Variants in CSRNP3 observed in about 807,000 individuals in gnomAD.
The protein encoded by CSRNP3 is cysteine/serine-rich nuclear protein 3.
Under a neutral mutation model 48.0 loss-of-function variants are expected in CSRNP3, and 12 were observed. The ratio of observed to expected loss-of-function variants is 0.25; its 90% CI spans 0.16 to 0.41. The LOEUF (loss-of-function observed/expected upper bound fraction) is 0.41. Ranked by LOEUF, CSRNP3 falls within the 10% of genes least tolerant of loss-of-function variation. The pLI is 1.00. For synonymous variants in CSRNP3, 263 were observed against 269.7 expected, an observed-to-expected ratio of 0.98 and a Z score of 0.24; for missense variants, 580 against 724.4, an observed-to-expected ratio of 0.80 and a Z score of 2.29.
chr2:165,496,310 GAA>G (rs774961888), intron 2 of CSRNP3, among the ~76,000 whole-genome samples: 12 of 152,008 alleles, frequency 7.9e-5, no homozygotes, highest in Non-Finnish European at 1.8e-4. Context: ...TAGAATTTCA[GAA>G]GATAGGTTTT....
chr2:165,665,450 T>C (rs1051985692), intron 5 of CSRNP3, among the ~76,000 whole-genome samples: 5 of 152,180 alleles, frequency 3.3e-5, no homozygotes, highest in African/African-American at 4.8e-5. Context: ...ACTATATTCT[T>C]GTCTTAGAGA....
intron 4 of CSRNP3, among the ~76,000 whole-genome samples, chr2:165,653,959 C>G (rs202105874): frequency 1.1e-4 from 9 of 79,806 alleles, no homozygotes; most frequent in Non-Finnish European, 1.8e-4. Context: ...GCAACAAGAG[C>G]GAAGCTCTAT....
intron 3 of CSRNP3, among the ~76,000 whole-genome samples, chr2:165,533,498 A>G (rs978395409): frequency 7.2e-5 from 11 of 152,164 alleles, no homozygotes; most frequent in African/African-American, 2.6e-4. Flanking sequence ...TGAGAAGCCA[A>G]GCTGCTCCAT....
At chr2:165,614,390 T>A (rs187365347) in intron 4 of CSRNP3, among the ~76,000 whole-genome samples, 2 of 152,330 alleles carry the variant, frequency 1.3e-5, no homozygotes, top group African/African-American at 4.8e-5. Context: ...AAGGACAATT[T>A]GACTTACTTT....
At chr2:165,490,531 C>T (rs1206088218) in intron 1 of CSRNP3, among the ~76,000 whole-genome samples, 4 of 140,952 alleles carry the variant, frequency 2.8e-5, no homozygotes, top group African/African-American at 5.5e-5. Flanking sequence ...AGGCATCACA[C>T]TACCTGACTT....
chr2:165,672,456 C>A (rs1687346750), intron 5 of CSRNP3, among the ~76,000 whole-genome samples: 1 of 152,150 alleles, frequency 6.6e-6, no homozygotes, highest in African/African-American at 2.4e-5. Flanking sequence ...AGGGTTTCCC[C>A]TTATGAAACC....
At chr2:165,585,116 A>G (rs1685606306) in intron 3 of CSRNP3, among the ~76,000 whole-genome samples, 1 of 152,208 alleles carries the variant, frequency 6.6e-6, no homozygotes, top group Non-Finnish European at 1.5e-5. Flanking sequence ...AAAGGATTTA[A>G]TTTAAACTAA....
intron 3 of CSRNP3, among the ~76,000 whole-genome samples, chr2:165,542,604 G>A (rs73969295): frequency 0.072 from 10,952 of 152,098 alleles, 433 homozygotes; most frequent in Middle Eastern, 0.099. Flanking sequence ...GTATCAAAAT[G>A]TATGATCAAT....
chr2:165,514,241 C>T (rs1403650335), intron 2 of CSRNP3, among the ~76,000 whole-genome samples: 1 of 152,148 alleles, frequency 6.6e-6, no homozygotes, highest in African/African-American at 2.4e-5. Context: ...CCTGCTAAGC[C>T]CAACCATAGG....
intron 4 of CSRNP3, among the ~76,000 whole-genome samples, chr2:165,644,758 T>A (rs751923954): frequency 6.6e-6 from 1 of 152,222 alleles, no homozygotes; most frequent in Non-Finnish European, 1.5e-5. Flanking sequence ...GAGTGATAAT[T>A]CTATGCCAGA....
At chr2:165,639,573 G>A (rs186822793) in intron 4 of CSRNP3, among the ~76,000 whole-genome samples, 7 of 152,244 alleles carry the variant, frequency 4.6e-5, no homozygotes, top group Non-Finnish European at 8.8e-5. Context: ...TTTAAATCCC[G>A]TGATTTTGAA....
chr2:165,478,803 G>A (rs573217263), intron 1 of CSRNP3, among the ~76,000 whole-genome samples: 2 of 152,218 alleles, frequency 1.3e-5, no homozygotes, highest in South Asian at 4.2e-4. Context: ...AGTGTATGTA[G>A]GTTACTTCCA....
chr2:165,606,730 T>C (rs1234543050), intron 4 of CSRNP3, among the ~76,000 whole-genome samples: 2 of 152,132 alleles, frequency 1.3e-5, no homozygotes, highest in Admixed American at 1.3e-4. Flanking sequence ...ATAAGTTGAA[T>C]TGAATAGCCG....
intron 4 of CSRNP3, among the ~76,000 whole-genome samples, chr2:165,638,944 A>G (rs994887295): frequency 6.6e-6 from 1 of 152,206 alleles, no homozygotes; most frequent in African/African-American, 2.4e-5. Flanking sequence ...ATACAGGGTT[A>G]GGTACCTGTT....
At chr2:165,546,709 A>G (rs1685034975) in intron 3 of CSRNP3, among the ~76,000 whole-genome samples, 1 of 152,200 alleles carries the variant, frequency 6.6e-6, no homozygotes, top group Non-Finnish European at 1.5e-5. Flanking sequence ...TTTTCCTCAA[A>G]TGATGTAATG....
chr2:165,674,937 T>C (rs546326845), intron 5 of CSRNP3, among the ~76,000 whole-genome samples: 6 of 151,892 alleles, frequency 4.0e-5, no homozygotes, highest in Admixed American at 1.3e-4. Context: ...GGTCTTGAAC[T>C]CTTGGCCTCA....
At chr2:165,655,961 C>T (rs1188082027) in intron 4 of CSRNP3, among the ~76,000 whole-genome samples, 3 of 152,138 alleles carry the variant, frequency 2.0e-5, no homozygotes, top group Admixed American at 6.5e-5. Flanking sequence ...GACTACATTC[C>T]GAGGTACTCG....
chr2:165,603,062 AT>A (rs1215845951), intron 4 of CSRNP3, among the ~76,000 whole-genome samples: 1 of 151,498 alleles, frequency 6.6e-6, no homozygotes, highest in South Asian at 2.1e-4. Context: ...TGCCCGGCTA[AT>A]TTTTTGTAGT....
At chr2:165,483,899 C>T (rs1010942411) in intron 1 of CSRNP3, among the ~76,000 whole-genome samples, 1 of 151,990 alleles carries the variant, frequency 6.6e-6, no homozygotes, top group Non-Finnish European at 1.5e-5. Context: ...TTTAGGGAGA[C>T]CCTAGCATTC....
Sources: allele counts gnomAD v4.1 joint callset (sites outside exome capture counted in the v4.1 genomes callset), GRCh38; gene constraint gnomAD v4.1.1; transcripts MANE v1.5; gene names NCBI Gene and HGNC (gene_info 2026-07-23, HGNC 2026-07-21).